Variants in BRCA1 observed in about 807,000 individuals in gnomAD.
The protein encoded by BRCA1 is breast cancer type 1 susceptibility protein.
In BRCA1, 140 loss-of-function variants were observed where a neutral mutation model predicts 173.7. The ratio of observed to expected loss-of-function variants is 0.81; its 90% CI spans 0.70 to 0.93. BRCA1 has a LOEUF of 0.93. Ranked by LOEUF, BRCA1 falls within the 40% of genes least tolerant of loss-of-function variation. BRCA1 has a pLI of 0.00. For synonymous variants in BRCA1, 662 were observed against 756.0 expected, an observed-to-expected ratio of 0.88 and a Z score of 2.04; for missense variants, 1,983 against 2,172.5, an observed-to-expected ratio of 0.91 and a Z score of 1.73.
chr17:43,089,356 A>G (rs1271752480), intron 11 of BRCA1, among the ~76,000 whole-genome samples: 1 of 152,034 alleles, frequency 6.6e-6, no homozygotes, highest in Non-Finnish European at 1.5e-5. Context: ...GCCTGGTTCT[A>G]TGATGAAGAT....
chr17:43,088,599 T>A (rs1164379425), intron 11 of BRCA1, among the ~76,000 whole-genome samples: 1 of 152,228 alleles, frequency 6.6e-6, no homozygotes, highest in East Asian at 1.9e-4. Context: ...TATAACTTTA[T>A]AAGAATATCA....
Position 43,169,913 on chromosome 17 carries a change from G to A in BRCA1, c.-20+213C>T, listed in dbSNP as rs114604549. 2,165 of 439,370 alleles carry A rather than the reference G, an allele frequency of 4.9e-3. 38 individuals are homozygous for A. The highest frequency in any genetic ancestry group is 0.04 in the African/African-American group (1,958 of 48,796). The allele number at this position is 439,370 out of a possible 1,614,324, so 27.2% of individuals were successfully genotyped here. On this transcript the variant is annotated intron_variant, in intron 1 of 7. Transcript: ENST00000634433. ...CTACACTGCAGATGTGGCTCCCAAT[G>A]TTGACGTTGGCCAGGACCTTTGCAA...
intron 11 of BRCA1, among the ~76,000 whole-genome samples, chr17:43,084,698 G>A (rs2053160663): frequency 1.3e-5 from 2 of 152,186 alleles, no homozygotes; most frequent in Admixed American, 6.5e-5. Context: ...GCTTCACAAA[G>A]GTTTCTACTG....
intron 16 of BRCA1, 51 bp downstream of exon 16, chr17:43,067,555 CAT>C (rs1212800520): frequency 2.1e-5 from 31 of 1,466,726 alleles, no homozygotes; most frequent in Non-Finnish European, 2.8e-5. Flanking sequence ...TGCCTCGCCT[CAT>C]GTGGTTTTAT....
intron 22 of BRCA1, among the ~76,000 whole-genome samples, chr17:43,046,938 GT>G (rs2050941715): frequency 6.6e-6 from 1 of 152,020 alleles, no homozygotes; most frequent in African/African-American, 2.4e-5. Flanking sequence ...GTGGAAAAAT[GT>G]ATGTAATATC....
chr17:43,132,810 C>G (rs1346906582), intron 1 of BRCA1: 7 of 151,966 alleles, frequency 4.6e-5, no homozygotes, highest in Non-Finnish European at 4.4e-5. Flanking sequence ...GTCGCCCAGG[C>G]TGGAGTGTAG....
chr17:43,070,907 G>A (rs1437706820), intron 15 of BRCA1, 21 bp downstream of exon 15: 2 of 1,612,978 alleles, frequency 1.2e-6, no homozygotes, highest in African/African-American at 1.3e-5. Flanking sequence ...TCATTAGGGA[G>A]ATACATATGG....
chr17:43,106,563 T>C, intron 3 of BRCA1, 30 bp from the exon 4 acceptor site: 1 of 1,458,518 alleles, frequency 6.9e-7, no homozygotes, highest in South Asian at 1.2e-5. Context: ...AAAGAACAAT[T>C]TAATTTACTT....
intron 1 of BRCA1, among the ~76,000 whole-genome samples, chr17:43,151,443 G>A (rs1401633451): frequency 6.6e-6 from 1 of 152,028 alleles, no homozygotes; most frequent in East Asian, 1.9e-4. Context: ...AGCCACATGT[G>A]GTGGCGCATG....
intron 6 of BRCA1, among the ~76,000 whole-genome samples, chr17:43,100,609 C>CATATATATATGTTAT (rs200083681): frequency 1.5e-5 from 1 of 65,758 alleles, no homozygotes; most frequent in Non-Finnish European, 2.7e-5. Flanking sequence ...ATATATATAA[C>CATATATATATGTTAT]ATATATATAA....
intron 1 of BRCA1, chr17:43,170,100 G>T: frequency 3.1e-6 from 1 of 325,726 alleles, no homozygotes; most frequent in Non-Finnish European, 6.2e-6. Flanking sequence ...TGTGGGGCTG[G>T]GGCTGCCGGA....
chr17:43,144,770 C>T (rs1597938038), intron 1 of BRCA1: 5 of 361,298 alleles, frequency 1.4e-5, no homozygotes, highest in South Asian at 1.1e-4. Flanking sequence ...CCTGTAATCC[C>T]AGCACTTTGG....
intron 22 of BRCA1, 72 bp downstream of exon 22, chr17:43,047,571 C>G (rs2050967951): frequency 6.9e-7 from 1 of 1,451,118 alleles, no homozygotes; most frequent in Admixed American, 1.7e-5. Flanking sequence ...TACTCAAGCA[C>G]CAGGTAATGA....
intron 1 of BRCA1, chr17:43,144,306 G>T: frequency 3.9e-6 from 1 of 257,568 alleles, no homozygotes; most frequent in Non-Finnish European, 7.9e-6. Context: ...TCATGCATGG[G>T]CTTGAGGGCT....
chr17:43,099,836 C>T lies in BRCA1; in HGVS notation c.486G>A (p.Val162=), dbSNP rs769213707. ...LSVQLSNLGT[V]RTLRTKQRIQ... is the part of the protein sequence containing the mutation. ...TCCGCTGCTTTGTCCTCAGAGTTCT[C>T]ACAGTTCCAAGGTTAGAGAGTTGGA... Residue 162 remains valine, a synonymous_variant, in exon 7 of 23, where the codon GTG becomes GTA. Transcript: ENST00000357654. The T allele has an allele frequency of 6.2e-7, 1 of 1,613,808 alleles. No homozygotes were observed. The highest frequency in any genetic ancestry group is 1.3e-5 in the African/African-American group (1 of 74,934).
At chr17:43,073,768 T>TA (rs1567777307) in intron 14 of BRCA1, among the ~76,000 whole-genome samples, 16 of 151,370 alleles carry the variant, frequency 1.1e-4, no homozygotes, top group African/African-American at 3.9e-4. Flanking sequence ...ATATATATAT[T>TA]TTTTGAGATG....
intron 12 of BRCA1, among the ~76,000 whole-genome samples, chr17:43,081,251 G>C (rs1025389110): frequency 6.6e-6 from 1 of 152,204 alleles, no homozygotes; most frequent in African/African-American, 2.4e-5. Context: ...CATTATCTGA[G>C]AGATGAACTA....
chr17:43,157,470 T>G (rs1237463897), intron 1 of BRCA1, among the ~76,000 whole-genome samples: 3 of 140,818 alleles, frequency 2.1e-5, no homozygotes, highest in Non-Finnish European at 4.6e-5. Context: ...GAGGCCGAGG[T>G]GGGCAGATCA....
intron 14 of BRCA1, among the ~76,000 whole-genome samples, chr17:43,071,500 T>G (rs1163284857): frequency 6.6e-6 from 1 of 152,182 alleles, no homozygotes; most frequent in Non-Finnish European, 1.5e-5. Flanking sequence ...ATAAAAGATA[T>G]ATGCAAAGGT....
Sources: allele counts gnomAD v4.1 joint callset (sites outside exome capture counted in the v4.1 genomes callset), GRCh38; gene constraint gnomAD v4.1.1; transcripts MANE v1.5; gene names NCBI Gene and HGNC (gene_info 2026-07-23, HGNC 2026-07-21).